The following SUSD4 variants were observed in gnomAD, a reference collection of about 807,000 sequenced individuals.
The protein encoded by SUSD4 is sushi domain-containing protein 4.
In SUSD4, 41 loss-of-function variants were observed where a neutral mutation model predicts 50.5. The observed-to-expected ratio is 0.81, with a 90% confidence interval of 0.63 to 1.05. The LOEUF (loss-of-function observed/expected upper bound fraction) is 1.05, where lower values mean the gene tolerates loss of function less well. Among genes scored for constraint, SUSD4 ranks in the 50% least tolerant of loss-of-function variants. The probability of loss-of-function intolerance (pLI) is 0.00; values close to 1 mark genes in which losing one functional copy is unlikely to be tolerated. For synonymous variants in SUSD4, 257 were observed against 257.3 expected (o/e 1.00, Z 0.01); for missense variants, 580 against 634.7 (o/e 0.91, Z 0.93).
At chr1:223,300,563 A>C (rs1300578400) in intron 2 of SUSD4, among the ~76,000 whole-genome samples, 2 of 152,208 alleles carry the variant, frequency 1.3e-5, no homozygotes, top group Admixed American at 1.3e-4. Flanking sequence ...AGAGAGGAAG[A>C]GTGTATCAAA....
chr1:223,358,027 A>G (rs1023168595), intron 2 of SUSD4, among the ~76,000 whole-genome samples: 3 of 152,242 alleles, frequency 2.0e-5, no homozygotes, highest in Non-Finnish European at 4.4e-5. Flanking sequence ...GATAAAGAGG[A>G]GCAGTGTGCA....
intron 2 of SUSD4, among the ~76,000 whole-genome samples, chr1:223,352,701 T>C (rs1287188500): frequency 2.0e-5 from 3 of 152,072 alleles, no homozygotes; most frequent in African/African-American, 7.2e-5. Flanking sequence ...TGCAAAGCTA[T>C]AGAGGACTCC....
At chr1:223,274,908 G>A (rs1161669070) in intron 3 of SUSD4, among the ~76,000 whole-genome samples, 2 of 152,154 alleles carry the variant, frequency 1.3e-5, no homozygotes, top group East Asian at 3.8e-4. Context: ...GAAATGAATA[G>A]TTAGAAAATC....
intron 2 of SUSD4, among the ~76,000 whole-genome samples, chr1:223,336,144 G>C (rs554314392): frequency 3.9e-5 from 6 of 152,288 alleles, no homozygotes; most frequent in African/African-American, 1.4e-4. Context: ...AGTAGATACG[G>C]GGTTTCTCCA....
intron 2 of SUSD4, among the ~76,000 whole-genome samples, chr1:223,348,250 T>A (rs560536002): frequency 3.9e-5 from 6 of 152,320 alleles, no homozygotes; most frequent in African/African-American, 1.4e-4. Flanking sequence ...ACAAAAGCAC[T>A]GTTTTTGCCT....
intron 5 of SUSD4, among the ~76,000 whole-genome samples, chr1:223,236,550 T>TC (rs1660234987): frequency 6.6e-6 from 1 of 152,044 alleles, no homozygotes; most frequent in African/African-American, 2.4e-5. Flanking sequence ...GTCTAGCTTT[T>TC]TTTTTTTTTG....
At chr1:223,256,148 C>G (rs535274032) in intron 5 of SUSD4, among the ~76,000 whole-genome samples, 69 of 152,310 alleles carry the variant, frequency 4.5e-4, no homozygotes, top group South Asian at 3.9e-3. Flanking sequence ...ATTGCCCTCT[C>G]CCTCCTCCAA....
intron 2 of SUSD4, among the ~76,000 whole-genome samples, chr1:223,343,392 T>C (rs1403164807): frequency 6.6e-6 from 1 of 152,222 alleles, no homozygotes; most frequent in Admixed American, 6.5e-5. Context: ...TTGGATTGTT[T>C]ATCTCCCCCA....
At chr1:223,250,513 C>T (rs1446067425) in intron 5 of SUSD4, among the ~76,000 whole-genome samples, 1 of 152,198 alleles carries the variant, frequency 6.6e-6, no homozygotes, top group African/African-American at 2.4e-5. Flanking sequence ...AGCAAACTAA[C>T]AGCGAGCTGG....
At chr1:223,286,240 C>G (rs999737586) in intron 3 of SUSD4, among the ~76,000 whole-genome samples, 1 of 152,080 alleles carries the variant, frequency 6.6e-6, no homozygotes, top group Admixed American at 6.5e-5. Flanking sequence ...CTCAGCCTCC[C>G]GAGTAGCTGG....
intron 2 of SUSD4, among the ~76,000 whole-genome samples, chr1:223,295,592 T>C (rs1372967509): frequency 2.0e-5 from 3 of 151,596 alleles, no homozygotes; most frequent in East Asian, 3.9e-4. Context: ...TCGGAAGGTA[T>C]GGAGGTGGGA....
intron 5 of SUSD4, among the ~76,000 whole-genome samples, chr1:223,240,195 T>A (rs1433425196): frequency 6.6e-6 from 1 of 152,152 alleles, no homozygotes; most frequent in Non-Finnish European, 1.5e-5. Context: ...TTTCCTTGGC[T>A]TCTTTCAGAA....
chr1:223,237,966 A>T (rs1307428444), intron 5 of SUSD4, among the ~76,000 whole-genome samples: 1 of 152,024 alleles, frequency 6.6e-6, no homozygotes, highest in Non-Finnish European at 1.5e-5. Context: ...CAGCAAATAC[A>T]TCTGGGCCTA....
intron 3 of SUSD4, among the ~76,000 whole-genome samples, chr1:223,285,050 G>A (rs1186440346): frequency 6.6e-6 from 1 of 152,154 alleles, no homozygotes; most frequent in Admixed American, 6.5e-5. Context: ...AGATATTTGT[G>A]ATGATGGACA....
upstream of SUSD4, among the ~76,000 whole-genome samples, chr1:223,364,591 G>C (rs61838252): frequency 0.23 from 35,295 of 150,480 alleles, 4,298 homozygotes; most frequent in Middle Eastern, 0.29. The surrounding 1 kb of genome is among the most constrained non-coding windows in gnomAD (Gnocchi z 4.5). Flanking sequence ...CTTCCCCGGC[G>C]CTGGACTGCA....
At chr1:223,301,884 C>CCA (rs1665220478) in intron 2 of SUSD4, among the ~76,000 whole-genome samples, 2 of 152,242 alleles carry the variant, frequency 1.3e-5, no homozygotes, top group South Asian at 4.1e-4. Flanking sequence ...TCACCTTACA[C>CCA]CACCTTGAGT....
Position 223,249,206 on chromosome 1 carries a change from C to T in SUSD4, c.724+15424G>A, listed in dbSNP as rs185481977. Among the ~76,000 whole-genome samples, 21 of 152,234 alleles carry T rather than the reference C, an allele frequency of 1.4e-4. No homozygotes were observed. In the East Asian group the frequency reaches 3.5e-3, roughly 25 times the overall value. On this transcript the variant is annotated intron_variant, in intron 5 of 8. Coordinates refer to ENST00000366878, the MANE Select transcript of SUSD4 (RefSeq NM_017982.4). Reference sequence around the variant, plus strand: ...TCAGGACTCCTAAAGGTAATTGGGGCATCTGAATTTTTTGTAAGGGAAGGA... The same window carrying T: ...TCAGGACTCCTAAAGGTAATTGGGGTATCTGAATTTTTTGTAAGGGAAGGA...
chr1:223,337,881 C>CA (rs1253282835), intron 2 of SUSD4, among the ~76,000 whole-genome samples: 1 of 152,230 alleles, frequency 6.6e-6, no homozygotes, highest in East Asian at 1.9e-4. Flanking sequence ...GAGGAACCCT[C>CA]AGGGTCTGAC....
chr1:223,284,060 A>C lies in SUSD4; in HGVS notation c.361+8379T>G, dbSNP rs184681228. Among the ~76,000 whole-genome samples the C allele has an allele frequency of 5.8e-3, 810 of 139,646 alleles. 44 individuals carry two copies. The East Asian group carries it at 0.13, about 22-fold the overall frequency. The allele number at this position is 139,646 out of a possible 152,430, so 91.6% of individuals were successfully genotyped here. ...AACACGTGGACACAGGAAGGGAAAC[A>C]TCACACACCAGGGCCTGTTGTGGGA... On this transcript the variant is annotated intron_variant, in intron 3 of 8. Transcript: ENST00000366878.
Sources: gnomAD v4.1 joint callset for allele counts (sites outside exome capture counted in the v4.1 genomes callset) on GRCh38, gnomAD v4.1.1 for gene constraint, Gnocchi (gnomAD v3.1) non-coding constraint, MANE v1.5 for transcripts, NCBI Gene and HGNC (gene_info 2026-07-23, HGNC 2026-07-21) for gene names.